LHCGR: variants seen among roughly 807,000 people sequenced by gnomAD.
LHCGR encodes the protein lutropin-choriogonadotropic hormone receptor.
In LHCGR, 55 loss-of-function variants were observed where a neutral mutation model predicts 60.7. The observed-to-expected ratio is 0.91, with a 90% CI of 0.73 to 1.13. The LOEUF (loss-of-function observed/expected upper bound fraction) is 1.13, where lower values mean the gene tolerates loss of function less well. LHCGR is among the 50% of genes most tolerant of loss of function. LHCGR has a pLI of 0.00. For synonymous variants in LHCGR, 337 were observed against 316.5 expected, an observed-to-expected ratio of 1.06 and a Z score of -0.69; for missense variants, 862 against 836.0, an observed-to-expected ratio of 1.03 and a Z score of -0.38.
At chr2:48,726,425 T>A (rs1668733051) in intron 3 of LHCGR, among the ~76,000 whole-genome samples, 1 of 152,166 alleles carries the variant, frequency 6.6e-6, no homozygotes, top group Non-Finnish European at 1.5e-5. Context: ...CAGGTAGAGA[T>A]AATATGAGGC....
intron 1 of LHCGR, among the ~76,000 whole-genome samples, chr2:48,747,765 GT>G (rs1669776634): frequency 6.6e-6 from 1 of 152,086 alleles, no homozygotes; most frequent in Non-Finnish European, 1.5e-5. Context: ...CTTCTATTAA[GT>G]TAATCTCTTA....
chr2:48,722,804 G>A (rs1668559231), intron 6 of LHCGR, among the ~76,000 whole-genome samples: 1 of 152,152 alleles, frequency 6.6e-6, no homozygotes, highest in South Asian at 2.1e-4. Context: ...TGTGAGAATG[G>A]ACTTATACAC....
Position 48,688,182 on chromosome 2 carries a change from AG to A in LHCGR, c.1614del (p.Phe539SerfsTer3). ...ATGTAGCAAGCACAAATTATGAAGA[AG>A]GCCACCACATTGAGAATCAGGATGG... The part of the protein sequence containing the change: ...ILTILILNVV[A>X]FFIICACYIK... On this transcript the variant is annotated frameshift_variant, in exon 11 of 11. Transcript: ENST00000294954. LOFTEE classifies it high-confidence loss of function. The surrounding 1 kb of genome is among the most constrained non-coding windows in gnomAD (Gnocchi z 5.2). 6.2e-7 allele frequency: 1 copy of A among 1,614,218 alleles called. No homozygotes were observed. Among genetic ancestry groups the A allele is most frequent in the Non-Finnish European group, 8.5e-7 (1 of 1,180,032 alleles).
At chr2:48,708,652 AG>A (rs1296994181) in intron 8 of LHCGR, 4 of 531,434 alleles carry the variant, frequency 7.5e-6, no homozygotes, top group African/African-American at 5.7e-5. Context: ...AAGCTAGGAG[AG>A]GCCTGGAATA....
intron 10 of LHCGR, among the ~76,000 whole-genome samples, chr2:48,689,135 A>G (rs1680071878): frequency 6.6e-6 from 1 of 151,172 alleles, no homozygotes; most frequent in African/African-American, 2.4e-5. Flanking sequence ...ACATATATAC[A>G]TATGTACACA....
In LHCGR at chr2:48,723,696, C is replaced by T. The variant is rs1668596582; in HGVS notation, c.384G>A (p.Leu128=). The change falls in exon 5 of 11, where the codon TTG becomes TTA. Residue 128 remains leucine, a splice_region_variant and synonymous_variant. Coordinates refer to ENST00000294954, the MANE Select transcript of LHCGR (RefSeq NM_000233.4). ...TTCTGATGCCTGTGTTACAGATGCT[C>T]CTGTGATTAGGGACAGGATAGTGGT... ...AFINLPRLKY[L]SICNTGIRKF... 5 of 1,610,844 alleles carry T rather than the reference C, an allele frequency of 3.1e-6. No homozygotes were observed. In the East Asian group the frequency reaches 8.9e-5, roughly 29 times the overall value.
chr2:48,734,648 G>A (rs980782245), intron 1 of LHCGR, among the ~76,000 whole-genome samples: 1 of 151,440 alleles, frequency 6.6e-6, no homozygotes, highest in African/African-American at 2.4e-5. Context: ...CAATAGTTTT[G>A]TGAACTATTG....
At chr2:48,745,622 C>G (rs1475482779) in intron 1 of LHCGR, among the ~76,000 whole-genome samples, 3 of 144,928 alleles carry the variant, frequency 2.1e-5, no homozygotes, top group Non-Finnish European at 4.5e-5. Context: ...CGCATATTCT[C>G]ACTCATAGGT....
chr2:48,703,164 G>A (rs1174026956), intron 8 of LHCGR, among the ~76,000 whole-genome samples: 1 of 152,088 alleles, frequency 6.6e-6, no homozygotes, highest in Non-Finnish European at 1.5e-5. Flanking sequence ...TGTAGATTCT[G>A]GATATTAGCC....
intron 7 of LHCGR, 44 bp downstream of exon 7, chr2:48,713,942 A>G: frequency 7.2e-7 from 1 of 1,386,148 alleles, no homozygotes; most frequent in Non-Finnish European, 1.0e-6. Context: ...CCAGAGTAAT[A>G]TTTCATTTTT....
rs1679995432 is a variant in LHCGR at position 48,688,116 on chromosome 2, T to C, written c.1681A>G (p.Thr561Ala). The C allele has an allele frequency of 6.2e-7, 1 of 1,614,182 alleles. No homozygotes were observed. Among genetic ancestry groups the C allele is most frequent in the Non-Finnish European group, 8.5e-7 (1 of 1,180,030 alleles). The change falls in exon 11 of 11, where the codon ACC (threonine) becomes GCC (alanine). Residue 561 changes from threonine to alanine, a missense_variant. Transcript: ENST00000294954. The surrounding 1 kb of genome is among the most constrained non-coding windows in gnomAD (Gnocchi z 5.2). Reference sequence around the variant, plus strand: ...TTAGCAATCTTTGTATCTTTATTGGTAGCCATTAATTCTGGGTTTCGAACT... The same window carrying C: ...TTAGCAATCTTTGTATCTTTATTGGCAGCCATTAATTCTGGGTTTCGAACT... ...FAVRNPELMA[T>A]NKDTKIAKKM...
At chr2:48,753,285 T>A (rs1209971578) in intron 1 of LHCGR, among the ~76,000 whole-genome samples, 3 of 152,156 alleles carry the variant, frequency 2.0e-5, no homozygotes, top group Non-Finnish European at 2.9e-5. Context: ...CAACCCTCCC[T>A]TTGCTTAACA....
chr2:48,689,938 T>C (rs1027186035), intron 10 of LHCGR, among the ~76,000 whole-genome samples: 1 of 152,074 alleles, frequency 6.6e-6, no homozygotes, highest in Admixed American at 6.5e-5. Context: ...TTGGTCTCCA[T>C]CTCCTGACCT....
At chr2:48,728,102 T>A (rs1020322971) in intron 3 of LHCGR, among the ~76,000 whole-genome samples, 229 of 136,332 alleles carry the variant, frequency 1.7e-3, no homozygotes, top group African/African-American at 5.5e-3. Flanking sequence ...TTTTTTTTTT[T>A]AAACTCATCA....
At chr2:48,734,733 A>G (rs1169103306) in intron 1 of LHCGR, among the ~76,000 whole-genome samples, 1 of 152,234 alleles carries the variant, frequency 6.6e-6, no homozygotes, top group Non-Finnish European at 1.5e-5. Context: ...GCCTAAGGCA[A>G]GGACAGTTCA....
intron 6 of LHCGR, 100 bp downstream of exon 6, chr2:48,723,356 G>A: frequency 1.2e-6 from 1 of 825,564 alleles, no homozygotes; most frequent in Non-Finnish European, 2.1e-6. Flanking sequence ...TCACCAGTGA[G>A]TGAGGAATGT....
intron 1 of LHCGR, among the ~76,000 whole-genome samples, chr2:48,747,121 G>A (rs1166011283): frequency 2.0e-5 from 3 of 148,526 alleles, no homozygotes; most frequent in African/African-American, 4.9e-5. Context: ...AGGCAGTCTC[G>A]CTCTGTTGCA....
chr2:48,719,237 G>C (rs1041270437), intron 6 of LHCGR, among the ~76,000 whole-genome samples: 3 of 152,128 alleles, frequency 2.0e-5, no homozygotes, highest in Non-Finnish European at 2.9e-5. Flanking sequence ...CAGGAGAATC[G>C]CTTGAACCCA....
At chr2:48,733,713 C>T (rs1669101769) in intron 1 of LHCGR, among the ~76,000 whole-genome samples, 1 of 151,516 alleles carries the variant, frequency 6.6e-6, no homozygotes, top group Admixed American at 6.6e-5. Context: ...TGAGGCAACA[C>T]AGAGAATGTG....
Sources: gnomAD v4.1 joint callset for allele counts (sites outside exome capture counted in the v4.1 genomes callset) on GRCh38, gnomAD v4.1.1 for gene constraint, Gnocchi (gnomAD v3.1) non-coding constraint, MANE v1.5 for transcripts, NCBI Gene and HGNC (gene_info 2026-07-23, HGNC 2026-07-21) for gene names.